Variants in STARD9 observed in about 807,000 individuals in gnomAD.
The protein encoded by STARD9 is stAR-related lipid transfer protein 9.
STARD9 carries 346 observed loss-of-function variants against 399.8 expected under a neutral mutation model. That is an observed-to-expected ratio of 0.87 (90% CI 0.79 to 0.95). The LOEUF is 0.95. Among genes scored for constraint, STARD9 ranks in the 40% least tolerant of loss-of-function variants. STARD9 has a pLI of 0.00. For missense variants in STARD9, 5,832 were observed against 5,667.5 expected (o/e 1.03, Z -0.93); for synonymous variants, 2,203 against 2,143.5 (o/e 1.03, Z -0.77).
chr15:42,717,124 G>A (rs186850059), intron 28 of STARD9, 76 bp downstream of exon 28: 2 of 1,491,712 alleles, frequency 1.3e-6, no homozygotes, highest in East Asian at 2.5e-5. Context: ...GAGAAAGTAG[G>A]AAAAAAGCTG....
intron 1 of STARD9, 36 bp downstream of exon 1, chr15:42,575,798 CAGGAGCTGAAA>C: frequency 6.5e-7 from 1 of 1,534,922 alleles, no homozygotes; most frequent in Non-Finnish European, 8.7e-7. Flanking sequence ...TGAGGCTTCA[CAGGAGCTGAAA>C]AGAGCGGGAG....
intron 3 of STARD9, among the ~76,000 whole-genome samples, chr15:42,633,351 C>A (rs1284676856): frequency 6.6e-6 from 1 of 152,068 alleles, no homozygotes; most frequent in African/African-American, 2.4e-5. Context: ...ATACACTACA[C>A]CTTGGAATCG....
chr15:42,602,290 A>G (rs1424486464), intron 3 of STARD9, among the ~76,000 whole-genome samples: 1 of 152,210 alleles, frequency 6.6e-6, no homozygotes, highest in East Asian at 1.9e-4. Context: ...ATAATTTACT[A>G]TGAAATATTT....
Position 42,685,256 on chromosome 15 carries a change from A to G in STARD9, c.3678A>G (p.Ser1226=). Residue 1226 remains serine, a synonymous_variant, in exon 23 of 33, where the codon TCA becomes TCG. Coordinates refer to ENST00000290607, the MANE Select transcript of STARD9 (RefSeq NM_020759.3). The part of the protein sequence containing the change: ...EDQQEEPFPG[S]ADEIPTETFW... ...AGCAAGAAGAACCTTTCCCTGGTTCAGCTGACGAGATACCCACAGAGACTT... is the reference window on the plus strand; with the variant it reads ...AGCAAGAAGAACCTTTCCCTGGTTCGGCTGACGAGATACCCACAGAGACTT... 1 of 1,537,528 alleles carries G rather than the reference A, an allele frequency of 6.5e-7. No individual in the cohort carries two copies. The highest frequency in any genetic ancestry group is 8.7e-7 in the Non-Finnish European group (1 of 1,146,984).
intron 9 of STARD9, among the ~76,000 whole-genome samples, chr15:42,655,857 A>G (rs1407614123): frequency 6.6e-6 from 1 of 152,240 alleles, no homozygotes; most frequent in East Asian, 1.9e-4. Context: ...TCCAGACTCT[A>G]CAAGGAACTC....
rs538665724 is a variant in STARD9, at chr15:42,684,606, T to A, written c.3028T>A (p.Leu1010Met). ...KAAKGASCNS[L>M]YPHGPRQTAG... ...TGCTAAGGGAGCCAGTTGCAATTCC[T>A]TGTATCCTCATGGACCCAGGCAGAC... Residue 1010 changes from leucine to methionine, a missense_variant, in exon 23 of 33, where the codon TTG becomes ATG. Transcript: ENST00000290607. 10 of 1,537,120 alleles carry A rather than the reference T, an allele frequency of 6.5e-6. No individual in the cohort carries two copies. The highest frequency in any genetic ancestry group is 8.7e-6 in the Non-Finnish European group (10 of 1,146,910).
intron 3 of STARD9, among the ~76,000 whole-genome samples, 192 bp downstream of exon 3, chr15:42,585,829 A>C (rs930328379): frequency 1.1e-4 from 16 of 152,262 alleles, no homozygotes; most frequent in African/African-American, 3.9e-4. Context: ...CAATACATCA[A>C]GAAACCATTG....
Position 42,718,821 on chromosome 15 carries a change from G to A in STARD9, c.13912G>A (p.Val4638Ile). ...TSMPRPSRKM[V>I]RGEILPSAWI... ...CATGCCAAGACCCAGCAGAAAAATG[G>A]TTCGCGGGGAGATCCTGCCCAGTGC... is the stretch of plus-strand genomic sequence containing the variant. Residue 4638 changes from valine to isoleucine, a missense_variant, in exon 32 of 33, where the codon GTT becomes ATT. This residue lies in a region of STARD9 where 5,828 missense variants were observed against 5,651.1 expected (regional missense o/e 1.03). Transcript: ENST00000290607. 6.5e-7 allele frequency: 1 copy of A among 1,537,262 alleles called. No individual in the cohort carries two copies. The highest frequency in any genetic ancestry group is 1.2e-5 in the South Asian group (1 of 84,060).
chr15:42,682,410 T>C lies in STARD9; in HGVS notation c.2372T>C (p.Leu791Pro), dbSNP rs1426187396. Residue 791 changes from leucine (L) to proline (P), a missense_variant, in exon 22 of 33, where the codon CTC becomes CCC. By Grantham distance (98) the Leu-to-Pro change is moderately conservative. Around this residue, in one of 2 missense-constraint regions of STARD9, gnomAD observed 5,828 missense variants for 5,651.1 expected, o/e 1.03. Coordinates refer to ENST00000290607, the MANE Select transcript of STARD9 (RefSeq NM_020759.3). ...GAGGCCCAGAAGAGACTGGAGAAGC[T>C]CACGACATTGTGCTGGCTCCAGGAT... ...LLEAQKRLEK[L>P]TTLCWLQDDS... is the part of the protein sequence containing the mutation. 2 of 1,537,144 alleles carry C rather than the reference T, an allele frequency of 1.3e-6. No individual in the cohort carries two copies. Among genetic ancestry groups the C allele is most frequent in the Non-Finnish European group, 8.7e-7 (1 of 1,146,880 alleles).
In STARD9 at chr15:42,694,179, G is replaced by C. The variant is rs541582323; in HGVS notation, c.12601G>C (p.Val4201Leu). Residue 4201 changes from valine (V) to leucine (L), a missense_variant, in exon 23 of 33, where the codon GTT becomes CTT. Around this residue, in one of 2 missense-constraint regions of STARD9, gnomAD observed 5,828 missense variants for 5,651.1 expected, o/e 1.03. Transcript: ENST00000290607. The part of the protein sequence containing the change: ...WSKREQIPLQ[V>L]GAQNLSLSVE... ...CAAGAGGGAGCAGATCCCCCTGCAA[G>C]TTGGGGCCCAGAACCTCTCACTCAG... The C allele has an allele frequency of 6.5e-7, 1 of 1,535,558 alleles. No individual in the cohort carries two copies. Among genetic ancestry groups the C allele is most frequent in the Admixed American group, 2.0e-5 (1 of 50,680 alleles).
intron 3 of STARD9, chr15:42,629,933 A>G (rs985182212): frequency 2.0e-5 from 3 of 150,772 alleles, no homozygotes; most frequent in Non-Finnish European, 2.9e-5. Flanking sequence ...ATTGATTTGC[A>G]TATGTTGAGT....
intron 3 of STARD9, among the ~76,000 whole-genome samples, chr15:42,607,351 C>T (rs2058751404): frequency 6.6e-6 from 1 of 151,594 alleles, no homozygotes; most frequent in Admixed American, 6.6e-5. Context: ...TACAGGCATG[C>T]ACCACCATGC....
rs1384377575 is a variant in STARD9, at chr15:42,719,005, TGCCCAGGCCCTTTG to T, written c.14001+99_14001+112del. On this transcript the variant is annotated intron_variant, in intron 32 of 32. Coordinates refer to ENST00000290607, the MANE Select transcript of STARD9 (RefSeq NM_020759.3). ...TGTCTCGCTTTTGAACACCCTCCAG[TGCCCAGGCCCTTTG>T]GCCTGAGACCTGGAGACTTGAGGGC... 3.4e-6 allele frequency: 4 copies of T among 1,176,604 alleles called. No homozygotes were observed. The African/African-American group carries it at 6.1e-5, about 18-fold the overall frequency. 72.9% of individuals were successfully genotyped at this position (1,176,604 alleles called of 1,614,324 possible).
At chr15:42,695,353 G>A (rs1014865221) in intron 25 of STARD9, 30 bp downstream of exon 25, 1 of 1,503,500 alleles carries the variant, frequency 6.7e-7, no homozygotes, top group Middle Eastern at 1.7e-4. Context: ...TCTGATTTCA[G>A]GATAGGCCTG....
At chr15:42,712,339 T>C (rs930364145) in intron 26 of STARD9, among the ~76,000 whole-genome samples, 1 of 150,818 alleles carries the variant, frequency 6.6e-6, no homozygotes, top group African/African-American at 2.4e-5. Context: ...GTCCAGTTTA[T>C]TTTTTATTGT....
intron 10 of STARD9, among the ~76,000 whole-genome samples, chr15:42,662,030 A>G (rs766747854): frequency 2.0e-4 from 31 of 152,164 alleles, no homozygotes; most frequent in Non-Finnish European, 3.8e-4. Context: ...GCACATCTGT[A>G]GTCCCAGCTA....
intron 9 of STARD9, among the ~76,000 whole-genome samples, chr15:42,658,155 T>A (rs1337679787): frequency 6.6e-6 from 1 of 151,858 alleles, no homozygotes; most frequent in Non-Finnish European, 1.5e-5. Flanking sequence ...CTTTTATAAT[T>A]TTTTTTTGAG....
rs745492058 is a variant in STARD9 at position 42,687,986 on chromosome 15, C to G, written c.6408C>G (p.Asn2136Lys). 6.5e-7 allele frequency: 1 copy of G among 1,537,520 alleles called. No homozygotes were observed. The highest frequency in any genetic ancestry group is 1.2e-5 in the South Asian group (1 of 84,064). ...GTGAAGCTGGAGCGATGGAGGTTAACAGCATTGGGAACCATCCCCAGGTCC... is the reference window on the plus strand; with the variant it reads ...GTGAAGCTGGAGCGATGGAGGTTAAGAGCATTGGGAACCATCCCCAGGTCC... ...RDSEAGAMEVNSIGNHPQVQK... is the reference protein window; with the variant it reads ...RDSEAGAMEVKSIGNHPQVQK... Residue 2136 changes from asparagine (N) to lysine (K), a missense_variant, in exon 23 of 33, where the codon AAC becomes AAG. Asn to Lys is a moderately conservative substitution (Grantham distance 94, BLOSUM62 0). Transcript: ENST00000290607.
At position 42,717,964 on chromosome 15, in the gene STARD9, T is replaced by G; in HGVS notation, c.13560-13T>G. The G allele has an allele frequency of 6.5e-7, 1 of 1,536,854 alleles. No individual in the cohort carries two copies. Among genetic ancestry groups the G allele is most frequent in the Non-Finnish European group, 8.7e-7 (1 of 1,146,554 alleles). ...ACCCCTTTCTATTTTCTGTGCTTGGTGTCTCCCCCCAGCTATCAGGGTGAG... is the reference window on the plus strand; with the variant it reads ...ACCCCTTTCTATTTTCTGTGCTTGGGGTCTCCCCCCAGCTATCAGGGTGAG... On this transcript the variant is annotated splice_polypyrimidine_tract_variant and intron_variant, in intron 29 of 32. Coordinates refer to ENST00000290607, the MANE Select transcript of STARD9 (RefSeq NM_020759.3).
Sources: allele counts gnomAD v4.1 joint callset (sites outside exome capture counted in the v4.1 genomes callset), GRCh38; gene constraint gnomAD v4.1.1; regional missense constraint gnomAD v4.1.1; transcripts MANE v1.5; gene names NCBI Gene and HGNC (gene_info 2026-07-23, HGNC 2026-07-21).